The following DIP2C variants were observed in gnomAD, a reference collection of about 807,000 sequenced individuals.
DIP2C encodes the protein DIP2 acetate--CoA ligase C (putative).
In DIP2C, 33 loss-of-function variants were observed where a neutral mutation model predicts 192.4. The ratio of observed to expected loss-of-function variants is 0.17; its 90% CI spans 0.13 to 0.23. The LOEUF (loss-of-function observed/expected upper bound fraction) is 0.23, where lower values mean the gene tolerates loss of function less well. Among genes scored for constraint, DIP2C ranks in the 10% least tolerant of loss-of-function variants. The pLI, the probability that DIP2C is intolerant of heterozygous loss-of-function variation, is 1.00. For missense variants in DIP2C, 1,537 were observed against 2,110.1 expected (o/e 0.73, Z 5.32); for synonymous variants, 979 against 864.1 (o/e 1.13, Z -2.33).
chr10:363,428 C>G lies in DIP2C; in HGVS notation c.2478-117G>C. The G allele has an allele frequency of 1.2e-6, 1 of 814,582 alleles. No individual in the cohort carries two copies. Among genetic ancestry groups the G allele is most frequent in the Non-Finnish European group, 2.0e-6 (1 of 508,500 alleles). 50.5% of individuals were successfully genotyped at this position (814,582 alleles called of 1,614,324 possible). ...AGTGACACAGCTCCAACTACGACTT[C>G]AAAACGGCCGCTGTACTTCCGAATT... On this transcript the variant is annotated intron_variant, in intron 20 of 36. Coordinates refer to ENST00000280886, the MANE Select transcript of DIP2C (RefSeq NM_014974.3). This position sits in a 1 kb window ranked among gnomAD's most constrained non-coding sequence, Gnocchi z 5.4.
rs1263350128 is a variant in DIP2C at position 636,689 on chromosome 10, G to T, written c.85+52805C>A. 6.6e-6 allele frequency among the ~76,000 whole-genome samples: 1 copy of T among 152,120 alleles called. No homozygotes were observed. Among genetic ancestry groups the T allele is most frequent in the Admixed American group, 6.5e-5 (1 of 15,270 alleles). On this transcript the variant is annotated intron_variant, in intron 1 of 36. Coordinates refer to ENST00000280886, the MANE Select transcript of DIP2C (RefSeq NM_014974.3). The surrounding 1 kb of genome is among the most constrained non-coding windows in gnomAD (Gnocchi z 4.6). ...GACTCTCCTTCCCCATCTTCGTCAG[G>T]GACAGCCTCACACCCTTTATCTGTG...
At chr10:379,830 G>T (rs901211489) in intron 17 of DIP2C, among the ~76,000 whole-genome samples, 2 of 151,904 alleles carry the variant, frequency 1.3e-5, no homozygotes, top group African/African-American at 4.8e-5. Flanking sequence ...AGGAGCAGGG[G>T]CTGTCCCTGG....
intron 28 of DIP2C, 123 bp downstream of exon 28, chr10:344,686 T>C (rs752649030): frequency 1.3e-6 from 1 of 773,354 alleles, no homozygotes; most frequent in Non-Finnish European, 2.2e-6. Flanking sequence ...AACACGTATG[T>C]ATACCTCTTT....
intron 2 of DIP2C, 29 bp downstream of exon 2, chr10:486,430 G>C: frequency 6.4e-7 from 1 of 1,566,472 alleles, no homozygotes; most frequent in South Asian, 1.2e-5. Flanking sequence ...GAAATGAGAG[G>C]ACTCATGCTA....
intron 9 of DIP2C, among the ~76,000 whole-genome samples, chr10:405,058 T>C (rs1964705045): frequency 6.6e-6 from 1 of 152,234 alleles, no homozygotes; most frequent in Non-Finnish European, 1.5e-5. Context: ...TGAAGTTCCA[T>C]CCAAAACTGA....
chr10:376,546 C>G (rs74114535), intron 17 of DIP2C, among the ~76,000 whole-genome samples: 1 of 139,236 alleles, frequency 7.2e-6, no homozygotes, highest in African/African-American at 2.7e-5. Context: ...GCCAGAACCC[C>G]GAGGAAGTGT....
chr10:387,961 A>G, intron 13 of DIP2C, 152 bp from the exon 14 acceptor site: 1 of 887,276 alleles, frequency 1.1e-6, no homozygotes, highest in Admixed American at 2.1e-5. Flanking sequence ...GTAGACTCCA[A>G]GTAGGCCGGT....
chr10:566,255 C>A (rs1056347167), intron 1 of DIP2C, among the ~76,000 whole-genome samples: 2 of 152,174 alleles, frequency 1.3e-5, no homozygotes, highest in Non-Finnish European at 2.9e-5. Context: ...CCTTTTTAAA[C>A]TGTAATCGTA....
intron 1 of DIP2C, among the ~76,000 whole-genome samples, chr10:556,978 G>A (rs1848913056): frequency 1.3e-5 from 2 of 152,178 alleles, no homozygotes; most frequent in South Asian, 4.1e-4. Context: ...TCAGCTTTAA[G>A]ACAACAGCCA....
intron 29 of DIP2C, among the ~76,000 whole-genome samples, chr10:332,744 C>G (rs895161368): frequency 6.6e-6 from 1 of 152,268 alleles, no homozygotes; most frequent in South Asian, 2.1e-4. Context: ...GATTACTAAC[C>G]TGACAAAATA....
chr10:547,508 C>G (rs1294560619), intron 1 of DIP2C, among the ~76,000 whole-genome samples: 1 of 152,062 alleles, frequency 6.6e-6, no homozygotes. Flanking sequence ...AGGAGGAAAG[C>G]AGGCAGACAG....
intron 1 of DIP2C, among the ~76,000 whole-genome samples, chr10:582,327 C>G (rs1269405310): frequency 6.6e-6 from 1 of 152,320 alleles, no homozygotes; most frequent in East Asian, 1.9e-4. Flanking sequence ...ATGCACCCAA[C>G]CCAAATACAG....
Position 277,382 on chromosome 10 carries a change from C to T in DIP2C, c.4614G>A (p.Leu1538=). 2.5e-6 allele frequency: 4 copies of T among 1,614,202 alleles called. No individual in the cohort carries two copies. The highest frequency in any genetic ancestry group is 2.2e-5 in the East Asian group (1 of 44,884). ...NSRGEKQRMH[L]RDGFLADQLD... is the part of the protein sequence containing the mutation. ...GCTGGTCTGCCAAAAACCCGTCTCG[C>T]AGGTGCATGCGCTGCTTCTCCCCAC... The change falls in exon 37 of 37, where the codon CTG becomes CTA. Residue 1538 remains leucine (L), a synonymous_variant. Coordinates refer to ENST00000280886, the MANE Select transcript of DIP2C (RefSeq NM_014974.3).
chr10:288,224 T>A (rs1056084188), intron 33 of DIP2C, 140 bp downstream of exon 33: 1 of 824,168 alleles, frequency 1.2e-6, no homozygotes, highest in African/African-American at 1.7e-5. Context: ...TATTTTGAGT[T>A]TCTATACTCA....
intron 3 of DIP2C, among the ~76,000 whole-genome samples, chr10:460,575 T>C (rs1250936198): frequency 6.6e-6 from 1 of 152,198 alleles, no homozygotes; most frequent in Non-Finnish European, 1.5e-5. Context: ...AAATTATTTC[T>C]GGGCTGCTAA....
chr10:650,040 T>A (rs1855755721), intron 1 of DIP2C: 2 of 694,670 alleles, frequency 2.9e-6, no homozygotes, highest in Non-Finnish European at 5.3e-6. Context: ...TCTGAGCCTT[T>A]CCTCCTGCAT....
intron 4 of DIP2C, among the ~76,000 whole-genome samples, chr10:425,035 A>G (rs1416397948): frequency 3.7e-5 from 5 of 133,992 alleles, no homozygotes; most frequent in East Asian, 2.4e-4. Flanking sequence ...CGGATGATAC[A>G]GCATGACCAG....
Position 414,737 on chromosome 10 carries a change from G to GTATATATATATA in DIP2C, c.860-628_860-627insTATATATATATA, listed in dbSNP as rs1213629573. ...TGTGTGTGTGTGTGTGTGTGTGTGT[G>GTATATATATATA]TGTACATATATATATATATAATGTG... is the stretch of plus-strand genomic sequence containing the variant. On this transcript the variant is annotated intron_variant, in intron 7 of 36. Transcript: ENST00000280886. Among the ~76,000 whole-genome samples the GTATATATATATA allele has an allele frequency of 1.7e-3, 97 of 55,800 alleles. 5 individuals are homozygous for GTATATATATATA. The highest frequency in any genetic ancestry group is 5.5e-3 in the East Asian group (8 of 1,460). The allele number at this position is 55,800 out of a possible 152,430, so 36.6% of individuals were successfully genotyped here.
At position 489,984 on chromosome 10, in the gene DIP2C, C is replaced by A. The variant is rs529728921; in HGVS notation, c.86-3454G>T. On this transcript the variant is annotated intron_variant, in intron 1 of 36. Transcript: ENST00000280886. ...TGCCCGAGCCTTCCTCCATTTCACA[C>A]CAGGGACACGGTGGCTCTGACGGTG... is the stretch of plus-strand genomic sequence containing the variant. 1.4e-3 allele frequency among the ~76,000 whole-genome samples: 65 copies of A among 45,590 alleles called. 1 individual carries two copies. Among genetic ancestry groups the A allele is most frequent in the African/African-American group, 3.9e-3 (62 of 15,744 alleles). The allele number at this position is 45,590 out of a possible 152,430, so 29.9% of individuals were successfully genotyped here.
Sources: allele counts gnomAD v4.1 joint callset (sites outside exome capture counted in the v4.1 genomes callset), GRCh38; gene constraint gnomAD v4.1.1; non-coding constraint Gnocchi (gnomAD v3.1); transcripts MANE v1.5; gene names NCBI Gene and HGNC (gene_info 2026-07-23, HGNC 2026-07-21).